Variants in MCC observed in about 807,000 individuals in gnomAD.
MCC encodes the protein colorectal mutant cancer protein.
A neutral mutation model predicts 116.2 loss-of-function variants in MCC; 90 were observed. The ratio of observed to expected loss-of-function variants is 0.77; its 90% confidence interval spans 0.65 to 0.92. The LOEUF is 0.92. Ranked by LOEUF, MCC falls within the 40% of genes least tolerant of loss-of-function variation. MCC has a pLI of 0.00. For missense variants in MCC, 1,516 were observed against 1,312.2 expected (o/e 1.16, Z -2.40); for synonymous variants, 578 against 510.5 (o/e 1.13, Z -1.78).
intron 8 of MCC, among the ~76,000 whole-genome samples, chr5:113,096,214 C>T (rs943367846): frequency 2.0e-5 from 3 of 152,220 alleles, no homozygotes; most frequent in Non-Finnish European, 2.9e-5. Context: ...TCTCAGTTCA[C>T]CTGCAGAGGG....
intron 4 of MCC, among the ~76,000 whole-genome samples, chr5:113,146,167 C>A (rs1357392870): frequency 6.7e-6 from 1 of 148,646 alleles, no homozygotes; most frequent in Non-Finnish European, 1.5e-5. Flanking sequence ...ACTTCCTCTA[C>A]ACAGATCAGA....
chr5:113,066,277 G>T (rs1196175185), intron 13 of MCC, among the ~76,000 whole-genome samples: 1 of 152,120 alleles, frequency 6.6e-6, no homozygotes, highest in African/African-American at 2.4e-5. Flanking sequence ...TAACCAACTG[G>T]AAATACGATT....
intron 1 of MCC, among the ~76,000 whole-genome samples, chr5:113,405,995 C>T (rs1769821349): frequency 6.6e-6 from 1 of 152,160 alleles, no homozygotes; most frequent in Non-Finnish European, 1.5e-5. Context: ...TCTACTCCAT[C>T]CCCCTTCTAA....
At chr5:113,428,148 C>T (rs1770531002) in intron 1 of MCC, among the ~76,000 whole-genome samples, 1 of 152,200 alleles carries the variant, frequency 6.6e-6, no homozygotes, top group South Asian at 2.1e-4. Context: ...CAGCTGGCCA[C>T]AGCTCAGCAT....
Position 113,434,617 on chromosome 5 carries a change from T to C in MCC, c.171-49405A>G. ...TGTGATGTCTCAAAGATCTCGTAGG[T>C]CTTAATGATGGAGCAGTGGTTTAAC... On this transcript the variant is annotated intron_variant, in intron 1 of 18. Coordinates refer to ENST00000408903, the MANE Select transcript of MCC (RefSeq NM_001085377.2). This position sits in a 1 kb window ranked among gnomAD's most constrained non-coding sequence, Gnocchi z 4.2. 1 of 1,613,816 alleles carries C rather than the reference T, an allele frequency of 6.2e-7. No individual in the cohort carries two copies. The highest frequency in any genetic ancestry group is 8.5e-7 in the Non-Finnish European group (1 of 1,179,854).
chr5:113,050,285 G>A (rs934875325), intron 15 of MCC, among the ~76,000 whole-genome samples: 8 of 152,202 alleles, frequency 5.3e-5, no homozygotes, highest in East Asian at 1.9e-4. Context: ...TCTTGTCCCC[G>A]CACTTCTGCT....
At chr5:113,405,842 T>G (rs1436230957) in intron 1 of MCC, among the ~76,000 whole-genome samples, 1 of 152,150 alleles carries the variant, frequency 6.6e-6, no homozygotes, top group Non-Finnish European at 1.5e-5. Context: ...GTTGTAGTTT[T>G]GTACCGTAAA....
intron 1 of MCC, among the ~76,000 whole-genome samples, chr5:113,423,316 G>A (rs1770390696): frequency 6.6e-6 from 1 of 152,192 alleles, no homozygotes; most frequent in African/African-American, 2.4e-5. Context: ...GAGTGACAGT[G>A]CTGTTGGCCA....
intron 1 of MCC, among the ~76,000 whole-genome samples, chr5:113,422,699 G>A (rs574197876): frequency 2.0e-5 from 3 of 152,290 alleles, no homozygotes; most frequent in East Asian, 3.9e-4. Context: ...GCCCAGTGGA[G>A]ATGCAAAAGG....
intron 4 of MCC, among the ~76,000 whole-genome samples, chr5:113,147,845 T>A (rs961091243): frequency 1.3e-5 from 2 of 152,146 alleles, no homozygotes; most frequent in East Asian, 3.8e-4. Flanking sequence ...GCCGACTACA[T>A]CTCAGAAAAG....
chr5:113,459,353 T>A (rs1392704391), intron 1 of MCC, among the ~76,000 whole-genome samples: 3 of 151,642 alleles, frequency 2.0e-5, no homozygotes, highest in African/African-American at 7.3e-5. Context: ...TTGGCTAACA[T>A]GATGAAATGC....
At chr5:113,054,350 TCGAC>T (rs1387417235) in intron 14 of MCC, among the ~76,000 whole-genome samples, 2 of 152,202 alleles carry the variant, frequency 1.3e-5, no homozygotes, top group African/African-American at 4.8e-5. Flanking sequence ...TATAGTGATA[TCGAC>T]AATGGTGGTG....
intron 16 of MCC, among the ~76,000 whole-genome samples, chr5:113,046,484 G>A (rs1009363292): frequency 1.3e-5 from 2 of 151,758 alleles, no homozygotes; most frequent in African/African-American, 2.4e-5. Context: ...CAGCCACCAC[G>A]TCCAGCCAAA....
At chr5:113,307,849 C>G (rs1304338350) in intron 3 of MCC, among the ~76,000 whole-genome samples, 1 of 152,192 alleles carries the variant, frequency 6.6e-6, no homozygotes, top group African/African-American at 2.4e-5. Context: ...GAAAACACTT[C>G]TTCCATTTAA....
intron 1 of MCC, among the ~76,000 whole-genome samples, chr5:113,386,461 C>A (rs947532489): frequency 1.3e-5 from 2 of 152,054 alleles, no homozygotes; most frequent in Non-Finnish European, 2.9e-5. Context: ...CTGCACTCCC[C>A]TCCCCCACCT....
chr5:113,027,922 G>C (rs971398499), intron 18 of MCC, among the ~76,000 whole-genome samples: 4 of 152,216 alleles, frequency 2.6e-5, no homozygotes, highest in African/African-American at 9.7e-5. Context: ...CAGAGAGGTT[G>C]TTCTTGTTCC....
At chr5:113,284,693 G>A (rs1054394407) in intron 3 of MCC, among the ~76,000 whole-genome samples, 1 of 152,206 alleles carries the variant, frequency 6.6e-6, no homozygotes, top group Non-Finnish European at 1.5e-5. Flanking sequence ...ATGCTTAATA[G>A]CACCACCCAA....
chr5:113,247,881 C>G (rs1157221299), intron 3 of MCC, among the ~76,000 whole-genome samples: 1 of 152,070 alleles, frequency 6.6e-6, no homozygotes, highest in Non-Finnish European at 1.5e-5. Flanking sequence ...ATCCAACAGC[C>G]ATTTACAAGT....
intron 1 of MCC, among the ~76,000 whole-genome samples, chr5:113,403,793 G>T (rs1221698057): frequency 6.6e-6 from 1 of 152,188 alleles, no homozygotes; most frequent in African/African-American, 2.4e-5. Flanking sequence ...TAGTGGAGCG[G>T]CTCAATGGTA....
Sources: gnomAD v4.1 joint callset for allele counts (sites outside exome capture counted in the v4.1 genomes callset) on GRCh38, gnomAD v4.1.1 for gene constraint, Gnocchi (gnomAD v3.1) non-coding constraint, MANE v1.5 for transcripts, NCBI Gene and HGNC (gene_info 2026-07-23, HGNC 2026-07-21) for gene names.